Variants in HIGD2A observed in about 807,000 individuals in gnomAD.
The protein encoded by HIGD2A is HIG1 domain family member 2A, mitochondrial.
A neutral mutation model predicts 6.3 loss-of-function variants in HIGD2A; 4 were observed. The observed-to-expected ratio is 0.64, with a 90% CI of 0.31 to 1.46. The LOEUF is 1.46. HIGD2A is among the 40% of genes most tolerant of loss of function. The probability of loss-of-function intolerance (pLI) is 0.07; values close to 1 mark genes in which losing one functional copy is unlikely to be tolerated. For missense variants in HIGD2A, 143 were observed against 144.8 expected (o/e 0.99, Z 0.06); for synonymous variants, 63 against 59.3 (o/e 1.06, Z -0.29).
At position 176,389,561 on chromosome 5, in the gene HIGD2A, C is replaced by A; in HGVS notation, c.*64C>A. The A allele has an allele frequency of 1.3e-6, 2 of 1,511,520 alleles. No homozygotes were observed. The highest frequency in any genetic ancestry group is 1.8e-6 in the Non-Finnish European group (2 of 1,112,706). 93.6% of individuals were successfully genotyped at this position (1,511,520 alleles called of 1,614,324 possible). On this transcript the variant is annotated 3_prime_UTR_variant, in exon 2 of 2. Transcript: ENST00000274787. ...CCAAAACCCAGGGAGCAACCACTGG[C>A]CCTACCGTGGGACTTACTCCCTCCT...
Position 176,388,791 on chromosome 5 carries a change from C to T in HIGD2A, c.-29C>T, listed in dbSNP as rs71599493. On this transcript the variant is annotated 5_prime_UTR_variant, in exon 1 of 2. The change creates a premature stop within an existing upstream ORF in the 5' untranslated region. Transcript: ENST00000274787. ...CACCGGGAGGCTGAGGTCGGAGTCC[C>T]GATTTTCTCCTGCTGCTGTGGCCCG... 6.2e-7 allele frequency: 1 copy of T among 1,604,548 alleles called. No individual in the cohort carries two copies. The highest frequency in any genetic ancestry group is 8.5e-7 in the Non-Finnish European group (1 of 1,175,714).
chr5:176,389,345 G>A lies in HIGD2A; in HGVS notation c.169G>A (p.Ala57Thr), dbSNP rs1488988072. 2 of 1,613,400 alleles carry A rather than the reference G, an allele frequency of 1.2e-6. No homozygotes were observed. Among genetic ancestry groups the A allele is most frequent in the East Asian group, 2.2e-5 (1 of 44,868 alleles). Residue 57 changes from alanine (A) to threonine (T), a missense_variant, in exon 2 of 2, where the codon GCG becomes ACG. Coordinates refer to ENST00000274787, the MANE Select transcript of HIGD2A (RefSeq NM_138820.4). ...CCCCTCCTCAGGTTGCCTGGCCACG[G>A]CGGCCGCCCTCACCTACGGCCTCTA... ...PVVPIGCLAT[A>T]AALTYGLYSF... is the part of the protein sequence containing the mutation.
intron 1 of HIGD2A, 147 bp from the exon 2 acceptor site, chr5:176,389,184 A>G: frequency 9.1e-7 from 1 of 1,096,248 alleles, no homozygotes; most frequent in Non-Finnish European, 1.3e-6. Context: ...GGACTCTGTA[A>G]CTAGGAAGAC....
At chr5:176,389,007 G>A (rs772747947) in intron 1 of HIGD2A, 34 bp downstream of exon 1, 17 of 1,611,366 alleles carry the variant, frequency 1.1e-5, no homozygotes, top group South Asian at 7.7e-5. Flanking sequence ...CACAAGGAGA[G>A]GACAGTGATG....
In HIGD2A at chr5:176,389,580, C is replaced by G; in HGVS notation, c.*83C>G. Reference sequence around the variant, plus strand: ...CACTGGCCCTACCGTGGGACTTACTCCCTCCTCTCCTTTGAGAGGCCCATG... The same window carrying G: ...CACTGGCCCTACCGTGGGACTTACTGCCTCCTCTCCTTTGAGAGGCCCATG... On this transcript the variant is annotated 3_prime_UTR_variant, in exon 2 of 2. Transcript: ENST00000274787. The G allele has an allele frequency of 7.1e-7, 1 of 1,416,364 alleles. No individual in the cohort carries two copies. The highest frequency in any genetic ancestry group is 1.4e-5 in the South Asian group (1 of 73,910). The allele number at this position is 1,416,364 out of a possible 1,614,324, so 87.7% of individuals were successfully genotyped here.
At position 176,389,407 on chromosome 5, in the gene HIGD2A, C is replaced by T. The variant is rs374213515; in HGVS notation, c.231C>T (p.Leu77=). Residue 77 remains leucine, a synonymous_variant, in exon 2 of 2, where the codon CTC becomes CTT. Transcript: ENST00000274787. ...GGGGCAACAGCCAGCGCTCTCAGCTCATGATGCGCACCCGGATCGCCGCCC... is the reference window on the plus strand; with the variant it reads ...GGGGCAACAGCCAGCGCTCTCAGCTTATGATGCGCACCCGGATCGCCGCCC... ...FHRGNSQRSQ[L]MMRTRIAAQG... The T allele has an allele frequency of 1.0e-4, 162 of 1,614,102 alleles. No homozygotes were observed. Among genetic ancestry groups the T allele is most frequent in the Non-Finnish European group, 1.3e-4 (153 of 1,180,038 alleles).
At chr5:176,389,063 G>C in intron 1 of HIGD2A, 90 bp downstream of exon 1, 2 of 1,514,236 alleles carry the variant, frequency 1.3e-6, no homozygotes, top group South Asian at 1.2e-5. Context: ...AGCGGGGAGC[G>C]GAAGGAGAGC....
Position 176,388,753 on chromosome 5 carries a change from C to T in HIGD2A, c.-67C>T, listed in dbSNP as rs975640711. On this transcript the variant is annotated 5_prime_UTR_variant, in exon 1 of 2. Coordinates refer to ENST00000274787, the MANE Select transcript of HIGD2A (RefSeq NM_138820.4). ...GCTCAATTTATTCGTTTCCCCGCCCCTTTCATGACCTTCACCGGGAGGCTG... is the reference window on the plus strand; with the variant it reads ...GCTCAATTTATTCGTTTCCCCGCCCTTTTCATGACCTTCACCGGGAGGCTG... 3.1e-5 allele frequency: 48 copies of T among 1,569,718 alleles called. No homozygotes were observed. In the Admixed American group the frequency reaches 3.6e-4, roughly 12 times the overall value.
Position 176,389,498 on chromosome 5 carries a change from G to A in HIGD2A, c.*1G>A. 1.2e-6 allele frequency: 2 copies of A among 1,611,512 alleles called. No homozygotes were observed. The highest frequency in any genetic ancestry group is 1.7e-6 in the Non-Finnish European group (2 of 1,178,512). On this transcript the variant is annotated 3_prime_UTR_variant, in exon 2 of 2. Coordinates refer to ENST00000274787, the MANE Select transcript of HIGD2A (RefSeq NM_138820.4). ...CACTGCTATGAAGTCTCGACCCTAA[G>A]CCCAGGGTCTGGCCTTGAAAGCTCC...
rs778480720 is a variant in HIGD2A, at chr5:176,388,800, CCTG to C, written c.-13_-11del. On this transcript the variant is annotated 5_prime_UTR_variant, in exon 1 of 2. Coordinates refer to ENST00000274787, the MANE Select transcript of HIGD2A (RefSeq NM_138820.4). ...GCTGAGGTCGGAGTCCCGATTTTCT[CCTG>C]CTGCTGTGGCCCGGACATGGCGACT... is the stretch of plus-strand genomic sequence containing the variant. The C allele has an allele frequency of 1.9e-6, 3 of 1,607,306 alleles. No individual in the cohort carries two copies. Among genetic ancestry groups the C allele is most frequent in the Non-Finnish European group, 2.5e-6 (3 of 1,177,326 alleles).
chr5:176,388,852 C>T lies in HIGD2A; in HGVS notation c.33C>T (p.Val11=), dbSNP rs1756125218. The part of the protein sequence containing the change: MATPGPVIPE[V]PFEPSKPPVI... ...CTCCCGGCCCTGTGATTCCGGAGGT[C>T]CCCTTTGAACCATCGAAGCCTCCAG... is the stretch of plus-strand genomic sequence containing the variant. Residue 11 remains valine, a synonymous_variant, in exon 1 of 2, where the codon GTC becomes GTT. Transcript: ENST00000274787. 2.5e-6 allele frequency: 4 copies of T among 1,614,086 alleles called. No homozygotes were observed. Among genetic ancestry groups the T allele is most frequent in the Non-Finnish European group, 3.4e-6 (4 of 1,180,004 alleles).
rs1340673136 is a variant in HIGD2A, at chr5:176,388,980, G to C, written c.154+7G>C. 2.5e-6 allele frequency: 4 copies of C among 1,613,854 alleles called. No individual in the cohort carries two copies. The highest frequency in any genetic ancestry group is 3.4e-6 in the Non-Finnish European group (4 of 1,179,938). On this transcript the variant is annotated splice_region_variant and intron_variant, in intron 1 of 1. Transcript: ENST00000274787. ...AACCCGGTGGTACCCATAGGTAAGTGGGTGCGGTAGGAACTGCACAAGGAG... is the reference window on the plus strand; with the variant it reads ...AACCCGGTGGTACCCATAGGTAAGTCGGTGCGGTAGGAACTGCACAAGGAG...
In HIGD2A at chr5:176,389,650, GTT is replaced by G; in HGVS notation, c.*158_*159del. The G allele has an allele frequency of 1.3e-6, 1 of 766,668 alleles. No homozygotes were observed. Among genetic ancestry groups the G allele is most frequent in the East Asian group, 2.9e-5 (1 of 34,014 alleles). 47.5% of individuals were successfully genotyped at this position (766,668 alleles called of 1,614,324 possible). A position where few individuals can be genotyped will look rare whatever the true frequency, so the allele number is the denominator to read the frequency against. ...ACCCTTTGTGTAACTGTAACCGAAA[GTT>G]TTTTCAAAAATCCTAGATGCTGTTG... is the stretch of plus-strand genomic sequence containing the variant. On this transcript the variant is annotated 3_prime_UTR_variant, in exon 2 of 2. Coordinates refer to ENST00000274787, the MANE Select transcript of HIGD2A (RefSeq NM_138820.4).
intron 1 of HIGD2A, 37 bp from the exon 2 acceptor site, chr5:176,389,294 G>T: frequency 6.3e-7 from 1 of 1,592,228 alleles, no homozygotes; most frequent in South Asian, 1.1e-5. Context: ...TGCGGGGCCC[G>T]ACCTGCTGTT....
rs1281328122 is a variant in HIGD2A at position 176,389,499 on chromosome 5, C to T, written c.*2C>T. The T allele has an allele frequency of 3.1e-6, 5 of 1,610,972 alleles. No homozygotes were observed. In the African/African-American group the frequency reaches 6.7e-5, roughly 22 times the overall value. On this transcript the variant is annotated 3_prime_UTR_variant, in exon 2 of 2. Coordinates refer to ENST00000274787, the MANE Select transcript of HIGD2A (RefSeq NM_138820.4). Reference sequence around the variant, plus strand: ...ACTGCTATGAAGTCTCGACCCTAAGCCCAGGGTCTGGCCTTGAAAGCTCCG... The same window carrying T: ...ACTGCTATGAAGTCTCGACCCTAAGTCCAGGGTCTGGCCTTGAAAGCTCCG...
chr5:176,389,602 C>T lies in HIGD2A; in HGVS notation c.*105C>T. Reference sequence around the variant, plus strand: ...ACTCCCTCCTCTCCTTTGAGAGGCCCATGTGTCGCTGGGGAGGAAGTGACC... The same window carrying T: ...ACTCCCTCCTCTCCTTTGAGAGGCCTATGTGTCGCTGGGGAGGAAGTGACC... On this transcript the variant is annotated 3_prime_UTR_variant, in exon 2 of 2. Coordinates refer to ENST00000274787, the MANE Select transcript of HIGD2A (RefSeq NM_138820.4). 2.4e-6 allele frequency: 3 copies of T among 1,235,580 alleles called. No individual in the cohort carries two copies. Among genetic ancestry groups the T allele is most frequent in the Non-Finnish European group, 3.4e-6 (3 of 893,110 alleles). 76.5% of individuals were successfully genotyped at this position (1,235,580 alleles called of 1,614,324 possible).
chr5:176,389,289 G>T (rs376340619), intron 1 of HIGD2A, 42 bp from the exon 2 acceptor site: 3 of 1,585,640 alleles, frequency 1.9e-6, no homozygotes, highest in Non-Finnish European at 2.6e-6. Flanking sequence ...TGACCTGCGG[G>T]GCCCGACCTG....
At position 176,389,381 on chromosome 5, in the gene HIGD2A, C is replaced by G; in HGVS notation, c.205C>G (p.Arg69Gly). The change falls in exon 2 of 2, where the codon CGG becomes GGG. Residue 69 changes from arginine (R) to glycine (G), a missense_variant. Physicochemically the swap from Arg to Gly is moderately radical, Grantham distance 125. Transcript: ENST00000274787. ...ALTYGLYSFHRGNSQRSQLMM... is the reference protein window; with the variant it reads ...ALTYGLYSFHGGNSQRSQLMM... ...CACCTACGGCCTCTACTCCTTCCAC[C>G]GGGGCAACAGCCAGCGCTCTCAGCT... is the stretch of plus-strand genomic sequence containing the variant. The G allele has an allele frequency of 6.2e-7, 1 of 1,614,084 alleles. No individual in the cohort carries two copies. The highest frequency in any genetic ancestry group is 2.2e-5 in the East Asian group (1 of 44,870).
Position 176,388,903 on chromosome 5 carries a change from T to A in HIGD2A, c.84T>A (p.Val28=). 6.2e-7 allele frequency: 1 copy of A among 1,614,080 alleles called. No individual in the cohort carries two copies. The highest frequency in any genetic ancestry group is 8.5e-7 in the Non-Finnish European group (1 of 1,180,012). ...PPVIEGLSPT[V]YRNPESFKEK... is the part of the protein sequence containing the mutation. ...TCATTGAGGGGCTGAGCCCCACTGT[T>A]TACAGGAATCCAGAGAGTTTCAAGG... The change falls in exon 1 of 2, where the codon GTT becomes GTA. Residue 28 remains valine (V), a synonymous_variant. Transcript: ENST00000274787.
Sources: gnomAD v4.1 joint callset for allele counts on GRCh38, gnomAD v4.1.1 for gene constraint, MANE v1.5 for transcripts, NCBI Gene and HGNC (gene_info 2026-07-23, HGNC 2026-07-21) for gene names.